AFF3: variants seen among roughly 807,000 people sequenced by gnomAD.
The protein encoded by AFF3 is AF4/FMR2 family member 3.
AFF3 carries 32 observed loss-of-function variants against 129.7 expected under a neutral mutation model. The ratio of observed to expected loss-of-function variants is 0.25; its 90% confidence interval spans 0.19 to 0.33. The LOEUF (loss-of-function observed/expected upper bound fraction) is 0.33, where lower values mean the gene tolerates loss of function less well. Ranked by LOEUF, AFF3 falls within the 10% of genes least tolerant of loss-of-function variation. The probability of loss-of-function intolerance (pLI) is 1.00; values close to 1 mark genes in which losing one functional copy is unlikely to be tolerated. For synonymous variants in AFF3, 644 were observed against 635.4 expected (o/e 1.01, Z -0.20); for missense variants, 1,373 against 1,592.0 (o/e 0.86, Z 2.34).
At position 99,919,752 on chromosome 2, in the gene AFF3, T is replaced by TA. The variant is rs150738092; in HGVS notation, c.874-82229dup. Among the ~76,000 whole-genome samples, 825 of 145,684 alleles carry TA rather than the reference T, an allele frequency of 5.7e-3. 2 individuals carry two copies. The highest frequency in any genetic ancestry group is 0.012 in the African/African-American group (491 of 39,708). On this transcript the variant is annotated intron_variant, in intron 7 of 24. Transcript: ENST00000672756. ...GGAAATAAATGAAACAACTGAAAAA[T>TA]AAAAAAAAAATTAACAAAGCCAGAA...
chr2:99,756,660 GCCTCAGC>G (rs1682125927), intron 8 of AFF3, among the ~76,000 whole-genome samples: 1 of 151,944 alleles, frequency 6.6e-6, no homozygotes, highest in South Asian at 2.1e-4. Flanking sequence ...ATGATCTCAG[GCCTCAGC>G]CCTTCCTGAC....
At chr2:100,055,879 A>C (rs1410435233) in intron 4 of AFF3, among the ~76,000 whole-genome samples, 1 of 152,112 alleles carries the variant, frequency 6.6e-6, no homozygotes, top group African/African-American at 2.4e-5. Context: ...CCCAGTTTTA[A>C]AATAGTTGTG....
rs35533043 is a variant in AFF3 at position 100,116,278 on chromosome 2, CT to C, written c.-144-10696del. ...TAAACAACATATAGCTCTATGTTTG[CT>C]TTTTTTTTTAACTCAGCCTGACAAA... On this transcript the variant is annotated intron_variant, in intron 2 of 24. Transcript: ENST00000672756. 2.0e-3 allele frequency among the ~76,000 whole-genome samples: 287 copies of C among 146,436 alleles called. 2 individuals carry two copies. The highest frequency in any genetic ancestry group is 3.4e-3 in the African/African-American group (138 of 40,048).
intron 8 of AFF3, among the ~76,000 whole-genome samples, chr2:99,790,479 C>A (rs1042511036): frequency 1.3e-5 from 2 of 152,230 alleles, no homozygotes; most frequent in African/African-American, 4.8e-5. Context: ...GAGCTGTATT[C>A]ATGCATTTGA....
At chr2:99,664,466 G>A (rs979777277) in intron 12 of AFF3, among the ~76,000 whole-genome samples, 3 of 152,218 alleles carry the variant, frequency 2.0e-5, no homozygotes, top group African/African-American at 7.2e-5. Flanking sequence ...TTTCAATATA[G>A]CTTGATGTAA....
At chr2:99,591,277 C>G (rs1250856034) in intron 15 of AFF3, among the ~76,000 whole-genome samples, 3 of 152,098 alleles carry the variant, frequency 2.0e-5, no homozygotes, top group Non-Finnish European at 4.4e-5. Flanking sequence ...ACCTCCGCCT[C>G]CCAGGTTCAA....
At chr2:99,973,873 G>A (rs1678627139) in intron 7 of AFF3, among the ~76,000 whole-genome samples, 1 of 152,106 alleles carries the variant, frequency 6.6e-6, no homozygotes, top group Non-Finnish European at 1.5e-5. Context: ...CTTGTGGAAC[G>A]CAGGCGTTAA....
chr2:99,647,142 A>G (rs1324856611), intron 13 of AFF3, among the ~76,000 whole-genome samples: 1 of 152,262 alleles, frequency 6.6e-6, no homozygotes, highest in Non-Finnish European at 1.5e-5. Context: ...CAGCAATCCC[A>G]TTAATGGGTA....
rs892884688 is a variant in AFF3 at position 99,773,381 on chromosome 2, C to T, written c.922-21080G>A. On this transcript the variant is annotated intron_variant, in intron 8 of 24. Coordinates refer to ENST00000672756, the MANE Select transcript of AFF3 (RefSeq NM_001386135.1). ...ATGAGACTGATTCTTAAACTACTTGCTGTAATATAAACTCATATAATTTTT... is the reference window on the plus strand; with the variant it reads ...ATGAGACTGATTCTTAAACTACTTGTTGTAATATAAACTCATATAATTTTT... Among the ~76,000 whole-genome samples the T allele has an allele frequency of 3.9e-5, 6 of 152,178 alleles. No individual in the cohort carries two copies. In the South Asian group the frequency reaches 8.3e-4, roughly 21 times the overall value.
intron 7 of AFF3, among the ~76,000 whole-genome samples, chr2:99,885,505 C>T (rs1693046740): frequency 6.6e-6 from 1 of 152,192 alleles, no homozygotes; most frequent in African/African-American, 2.4e-5. Flanking sequence ...TCATTTAAAA[C>T]TTATTTTCTT....
chr2:99,910,909 A>G (rs775821943), intron 7 of AFF3, among the ~76,000 whole-genome samples: 10 of 152,254 alleles, frequency 6.6e-5, no homozygotes, highest in Non-Finnish European at 1.5e-4. Flanking sequence ...CTAACATTAG[A>G]CACTTCTCCA....
At chr2:99,635,884 T>C (rs1683605944) in intron 13 of AFF3, among the ~76,000 whole-genome samples, 2 of 152,152 alleles carry the variant, frequency 1.3e-5, no homozygotes. Context: ...GCAGCAAGCA[T>C]GCAACCCTGA....
chr2:99,608,577 A>G (rs1435194195), intron 13 of AFF3, among the ~76,000 whole-genome samples: 1 of 152,216 alleles, frequency 6.6e-6, no homozygotes, highest in Non-Finnish European at 1.5e-5. Context: ...GTGTTCAGGT[A>G]TAAGCAAAAC....
At chr2:99,967,699 G>C (rs1677928198) in intron 7 of AFF3, among the ~76,000 whole-genome samples, 1 of 152,214 alleles carries the variant, frequency 6.6e-6, no homozygotes, top group African/African-American at 2.4e-5. Context: ...AAACAGCAAA[G>C]AAACTTGAAG....
intron 7 of AFF3, among the ~76,000 whole-genome samples, chr2:99,900,972 C>T (rs1406743251): frequency 2.0e-5 from 3 of 152,212 alleles, no homozygotes; most frequent in Non-Finnish European, 4.4e-5. Context: ...CAGGATTAGC[C>T]ACAGGCTCGT....
At chr2:100,107,338 G>T in intron 2 of AFF3, 4 of 985,124 alleles carry the variant, frequency 4.1e-6, no homozygotes, top group African/African-American at 3.5e-5. Context: ...CCAGCCTCTG[G>T]GTATGCAAAC....
chr2:99,622,285 A>C (rs1215944776), intron 13 of AFF3, among the ~76,000 whole-genome samples: 1 of 152,154 alleles, frequency 6.6e-6, no homozygotes, highest in Non-Finnish European at 1.5e-5. Flanking sequence ...GTCCTGATCG[A>C]AGATGGCTCC....
chr2:99,997,205 T>A (rs1354298858), intron 7 of AFF3, among the ~76,000 whole-genome samples: 1 of 152,126 alleles, frequency 6.6e-6, no homozygotes, highest in Non-Finnish European at 1.5e-5. Context: ...GTGGGTCACC[T>A]CCACTTGGAT....
intron 10 of AFF3, among the ~76,000 whole-genome samples, chr2:99,737,380 T>C (rs1425728585): frequency 6.6e-6 from 1 of 152,168 alleles, no homozygotes; most frequent in Non-Finnish European, 1.5e-5. Flanking sequence ...AAAATTTCTT[T>C]TGTGAGGATT....
Sources: allele counts gnomAD v4.1 joint callset (sites outside exome capture counted in the v4.1 genomes callset), GRCh38; gene constraint gnomAD v4.1.1; transcripts MANE v1.5; gene names NCBI Gene and HGNC (gene_info 2026-07-23, HGNC 2026-07-21).